The following PARVA variants were observed in gnomAD, a reference collection of about 807,000 sequenced individuals.
The protein encoded by PARVA is parvin alpha.
A neutral mutation model predicts 52.6 loss-of-function variants in PARVA; 25 were observed. The ratio of observed to expected loss-of-function variants is 0.48; its 90% CI spans 0.35 to 0.66. PARVA has a LOEUF of 0.66. PARVA is among the 30% of genes least tolerant of loss of function. The probability of loss-of-function intolerance (pLI) is 0.01; values close to 1 mark genes in which losing one functional copy is unlikely to be tolerated. For synonymous variants in PARVA, 185 were observed against 179.1 expected (o/e 1.03, Z -0.26); for missense variants, 373 against 450.9 (o/e 0.83, Z 1.56).
intron 1 of PARVA, among the ~76,000 whole-genome samples, chr11:12,380,003 T>TGG (rs1222202032): frequency 1.3e-5 from 2 of 152,186 alleles, no homozygotes; most frequent in Non-Finnish European, 2.9e-5. Context: ...TCTGTACCTA[T>TGG]CACTGTTGGT....
intron 1 of PARVA, among the ~76,000 whole-genome samples, chr11:12,381,055 G>A (rs995923885): frequency 2.6e-5 from 4 of 152,136 alleles, no homozygotes; most frequent in Non-Finnish European, 5.9e-5. Context: ...AACACAGAAC[G>A]TCTTCTGAAG....
chr11:12,404,341 T>G (rs1013043584), intron 1 of PARVA, among the ~76,000 whole-genome samples: 1 of 152,096 alleles, frequency 6.6e-6, no homozygotes, highest in Non-Finnish European at 1.5e-5. Flanking sequence ...GCAGGGATGC[T>G]GATAGAGCAA....
intron 1 of PARVA, among the ~76,000 whole-genome samples, chr11:12,416,656 A>G (rs1221415316): frequency 6.6e-6 from 1 of 152,058 alleles, no homozygotes; most frequent in Non-Finnish European, 1.5e-5. Flanking sequence ...GGGGAGAAAG[A>G]GAAAGAAGCG....
chr11:12,483,079 G>A (rs1371144687), intron 4 of PARVA, among the ~76,000 whole-genome samples: 1 of 152,206 alleles, frequency 6.6e-6, no homozygotes, highest in Admixed American at 6.5e-5. Flanking sequence ...CCTCTGTGTG[G>A]CCACATGCCC....
chr11:12,390,786 C>T (rs1939647920), intron 1 of PARVA, among the ~76,000 whole-genome samples: 1 of 152,190 alleles, frequency 6.6e-6, no homozygotes, highest in Non-Finnish European at 1.5e-5. Flanking sequence ...TGAGGCAGAC[C>T]TGCAGATGAC....
chr11:12,513,532 A>T (rs1941529580), intron 9 of PARVA, 172 bp downstream of exon 9: 2 of 730,858 alleles, frequency 2.7e-6, no homozygotes, highest in Admixed American at 3.9e-5. Context: ...TCCTCACTGG[A>T]TGTTGCACCT....
chr11:12,534,208 T>C lies in PARVA; in HGVS notation c.*6283T>C, dbSNP rs1941808979. Among the ~76,000 whole-genome samples the C allele has an allele frequency of 6.6e-6, 1 of 152,142 alleles. No homozygotes were observed. Among genetic ancestry groups the C allele is most frequent in the African/African-American group, 2.4e-5 (1 of 41,432 alleles). On this transcript the variant is annotated 3_prime_UTR_variant, in exon 13 of 13. Coordinates refer to ENST00000334956, the MANE Select transcript of PARVA (RefSeq NM_018222.5). ...AACAAAACAAAAATCCATGAACAAG[T>C]GGACCTGCCCAGTTCAAATCATTGT...
At chr11:12,383,217 G>A (rs908349050) in intron 1 of PARVA, among the ~76,000 whole-genome samples, 6 of 152,038 alleles carry the variant, frequency 3.9e-5, no homozygotes, top group Non-Finnish European at 8.8e-5. Context: ...CATTTCTGTT[G>A]GACATGGCCC....
At chr11:12,498,569 CA>C (rs1420207775) in intron 5 of PARVA, among the ~76,000 whole-genome samples, 1 of 116,504 alleles carries the variant, frequency 8.6e-6, no homozygotes, top group Admixed American at 1.2e-4. Flanking sequence ...AGGTCATATA[CA>C]CTTTTTTTTT....
intron 1 of PARVA, among the ~76,000 whole-genome samples, chr11:12,390,627 T>G (rs1468740925): frequency 6.6e-6 from 1 of 152,092 alleles, no homozygotes. Context: ...AAAGTAGAGG[T>G]CGGTGGGGAG....
intron 12 of PARVA, among the ~76,000 whole-genome samples, chr11:12,524,524 A>T (rs1166031454): frequency 6.6e-6 from 1 of 152,070 alleles, no homozygotes; most frequent in African/African-American, 2.4e-5. Context: ...AGGCCCCCAA[A>T]TTCCTCCTTT....
rs570027335 is a variant in PARVA, at chr11:12,470,078, G to A, written c.137-3667G>A. Among the ~76,000 whole-genome samples, 8 of 152,312 alleles carry A rather than the reference G, an allele frequency of 5.3e-5. No individual in the cohort carries two copies. In the South Asian group the frequency reaches 1.7e-3, roughly 32 times the overall value. ...TGGAAATGCTGCCCCAGAAATGTGC[G>A]TGCATGCGTACGCACATGTGCGCAC... is the stretch of plus-strand genomic sequence containing the variant. On this transcript the variant is annotated intron_variant, in intron 1 of 12. Transcript: ENST00000334956.
intron 1 of PARVA, among the ~76,000 whole-genome samples, chr11:12,405,918 A>C (rs561722066): frequency 3.9e-5 from 6 of 152,238 alleles, no homozygotes; most frequent in African/African-American, 1.2e-4. Context: ...AGATCCTGCC[A>C]CTGCACTCCA....
At chr11:12,379,941 C>T (rs555168166) in intron 1 of PARVA, among the ~76,000 whole-genome samples, 1 of 152,280 alleles carries the variant, frequency 6.6e-6, no homozygotes, top group East Asian at 1.9e-4. Context: ...AATATTGAAG[C>T]TCATGACCTA....
intron 1 of PARVA, among the ~76,000 whole-genome samples, chr11:12,389,647 A>G (rs1034273127): frequency 6.6e-6 from 1 of 152,302 alleles, no homozygotes; most frequent in South Asian, 2.1e-4. Flanking sequence ...TTTCCCCTCC[A>G]GGGCAACAAG....
Position 12,477,926 on chromosome 11 carries a change from G to C in PARVA, c.377G>C (p.Gly126Ala). The change falls in exon 4 of 13, where the codon GGA (glycine) becomes GCA (alanine). Residue 126 changes from glycine (G) to alanine (A), a missense_variant. By Grantham distance (60) the Gly-to-Ala change is moderately conservative. Transcript: ENST00000334956. ...GACCTAGCTGAAGATTTGTATGATGGACAAGTCCTGCAGAAGCTTTTCGGT... is the reference window on the plus strand; with the variant it reads ...GACCTAGCTGAAGATTTGTATGATGCACAAGTCCTGCAGAAGCTTTTCGGT... Reference protein sequence around the residue: ...VKDLAEDLYDGQVLQKLFEKL... With the variant: ...VKDLAEDLYDAQVLQKLFEKL... 2 of 1,606,182 alleles carry C rather than the reference G, an allele frequency of 1.2e-6. No homozygotes were observed. Among genetic ancestry groups the C allele is most frequent in the Non-Finnish European group, 1.7e-6 (2 of 1,172,826 alleles).
intron 1 of PARVA, among the ~76,000 whole-genome samples, chr11:12,466,019 T>A (rs1170583545): frequency 6.6e-6 from 1 of 152,192 alleles, no homozygotes; most frequent in Non-Finnish European, 1.5e-5. Flanking sequence ...TGTTGTCAGT[T>A]TTTTTTGGAT....
intron 1 of PARVA, among the ~76,000 whole-genome samples, chr11:12,430,134 A>G (rs1456574433): frequency 1.3e-5 from 2 of 152,154 alleles, no homozygotes; most frequent in Non-Finnish European, 2.9e-5. Flanking sequence ...AGAAGTAAAT[A>G]CCCCCACTAG....
At chr11:12,388,269 G>T (rs560381398) in intron 1 of PARVA, among the ~76,000 whole-genome samples, 3 of 152,192 alleles carry the variant, frequency 2.0e-5, no homozygotes, top group Admixed American at 1.3e-4. Flanking sequence ...TGAATGTGTG[G>T]ATCACTATAG....
Sources: gnomAD v4.1 joint callset for allele counts (sites outside exome capture counted in the v4.1 genomes callset) on GRCh38, gnomAD v4.1.1 for gene constraint, MANE v1.5 for transcripts, NCBI Gene and HGNC (gene_info 2026-07-23, HGNC 2026-07-21) for gene names.